Variants in C14orf132 observed in about 807,000 individuals in gnomAD.
C14orf132 encodes chromosome 14 open reading frame 132, also known as uncharacterized protein C14orf132.
Under a neutral mutation model 5.8 loss-of-function variants are expected in C14orf132, and 6 were observed. That is an observed-to-expected ratio of 1.03 (90% CI 0.57 to 2.04). The LOEUF (loss-of-function observed/expected upper bound fraction) is 2.04, where lower values mean the gene tolerates loss of function less well. C14orf132 is among the 30% of genes most tolerant of loss of function. The pLI, the probability that C14orf132 is intolerant of heterozygous loss-of-function variation, is 0.00. For synonymous variants in C14orf132, 51 were observed against 49.8 expected (o/e 1.02, Z -0.10); for missense variants, 125 against 115.8 (o/e 1.08, Z -0.37).
chr14:96,067,323 T>C (rs1049613623), intron 1 of C14orf132, among the ~76,000 whole-genome samples: 2 of 152,094 alleles, frequency 1.3e-5, no homozygotes, highest in Non-Finnish European at 2.9e-5. Context: ...CTGAACCCAT[T>C]GCCATCCTTG....
intron 1 of C14orf132, among the ~76,000 whole-genome samples, chr14:96,069,018 T>G (rs1887617438): frequency 6.6e-6 from 1 of 151,794 alleles, no homozygotes; most frequent in Non-Finnish European, 1.5e-5. Flanking sequence ...GATTGGGTTT[T>G]ACCCCCTCAG....
intron 1 of C14orf132, among the ~76,000 whole-genome samples, chr14:96,044,988 G>A (rs12436310): frequency 0.012 from 1,857 of 152,312 alleles, 26 homozygotes; most frequent in Admixed American, 0.036. Flanking sequence ...CTGAAGACCC[G>A]TAAAGGATAA....
chr14:96,058,316 A>G lies in C14orf132; in HGVS notation c.27+18789A>G, dbSNP rs148499880. 1.6e-4 allele frequency among the ~76,000 whole-genome samples: 25 copies of G among 152,124 alleles called. No homozygotes were observed. In the East Asian group the frequency reaches 4.5e-3, roughly 27 times the overall value. ...CTGTGACCTGATGCTATTTTATTCC[A>G]TTGGAATAAAGATCCTTAATGATGC... On this transcript the variant is annotated intron_variant, in intron 1 of 1. Coordinates refer to ENST00000555004, the MANE Select transcript of C14orf132 (RefSeq NM_001252507.3).
At chr14:96,081,321 T>C (rs1888026146) in intron 1 of C14orf132, among the ~76,000 whole-genome samples, 1 of 152,178 alleles carries the variant, frequency 6.6e-6, no homozygotes, top group African/African-American at 2.4e-5. Context: ...ACGGCTGTCT[T>C]TATTATTTCC....
rs187762731 is a variant in C14orf132, at chr14:96,084,339, A to G, written c.28-2172A>G. Among the ~76,000 whole-genome samples, 60 of 151,792 alleles carry G rather than the reference A, an allele frequency of 4.0e-4. 2 individuals carry two copies. In the East Asian group the frequency reaches 0.012, roughly 29 times the overall value. ...CAGCCCCCGTCATGCCCAAGAGGAA[A>G]AAAGCACAGCTTCTCACACTGAGCC... On this transcript the variant is annotated intron_variant, in intron 1 of 1. Transcript: ENST00000555004.
chr14:96,055,407 GTTTAC>G (rs1887152369), intron 1 of C14orf132, among the ~76,000 whole-genome samples: 2 of 152,110 alleles, frequency 1.3e-5, no homozygotes, highest in Non-Finnish European at 2.9e-5. Context: ...TTTCAAGGCT[GTTTAC>G]TTTACCCACA....
intron 1 of C14orf132, among the ~76,000 whole-genome samples, chr14:96,080,509 C>T (rs1887998127): frequency 6.6e-6 from 1 of 152,218 alleles, no homozygotes; most frequent in African/African-American, 2.4e-5. Context: ...TGTGTTTACC[C>T]ATCCTCTGAA....
intron 1 of C14orf132, among the ~76,000 whole-genome samples, chr14:96,079,692 G>A (rs1225069720): frequency 6.6e-6 from 1 of 152,044 alleles, no homozygotes; most frequent in Non-Finnish European, 1.5e-5. Context: ...CGAGAATTTA[G>A]TGATGAGAGA....
At position 96,065,826 on chromosome 14, in the gene C14orf132, G is replaced by A. The variant is rs549229305; in HGVS notation, c.28-20685G>A. On this transcript the variant is annotated intron_variant, in intron 1 of 1. Coordinates refer to ENST00000555004, the MANE Select transcript of C14orf132 (RefSeq NM_001252507.3). ...GAGGCTGCTGACCCACACAGGGGAC[G>A]CCCATTTGGTTCCAATGACACTGCT... 5.9e-5 allele frequency among the ~76,000 whole-genome samples: 9 copies of A among 152,258 alleles called. No individual in the cohort carries two copies. In the South Asian group the frequency reaches 1.7e-3, roughly 28 times the overall value.
chr14:96,053,350 A>G (rs1203391983), intron 1 of C14orf132, among the ~76,000 whole-genome samples: 1 of 152,196 alleles, frequency 6.6e-6, no homozygotes, highest in Non-Finnish European at 1.5e-5. Context: ...CCTTGTCCTG[A>G]CAGCTGCTCA....
At chr14:96,057,286 CCTCA>C (rs1291698116) in intron 1 of C14orf132, among the ~76,000 whole-genome samples, 1 of 152,222 alleles carries the variant, frequency 6.6e-6, no homozygotes, top group Non-Finnish European at 1.5e-5. Flanking sequence ...ACACAGCCTT[CCTCA>C]CTCCAGAGGG....
rs1425270020 is a variant in C14orf132 at position 96,086,954 on chromosome 14, G to A, written c.*219G>A. The A allele has an allele frequency of 8.5e-6, 5 of 586,734 alleles. No homozygotes were observed. Among genetic ancestry groups the A allele is most frequent in the Non-Finnish European group, 1.5e-5 (5 of 332,674 alleles). 36.3% of individuals were successfully genotyped at this position (586,734 alleles called of 1,614,324 possible). ...AAGTATGGGCCTCCTGCCCCTAGAG[G>A]CATGACGGGGCAAGGCCTTCAGAGG... On this transcript the variant is annotated 3_prime_UTR_variant, in exon 2 of 2. Coordinates refer to ENST00000555004, the MANE Select transcript of C14orf132 (RefSeq NM_001252507.3).
intron 1 of C14orf132, among the ~76,000 whole-genome samples, chr14:96,066,566 T>A (rs9323942): frequency 0.33 from 50,002 of 151,910 alleles, 8,556 homozygotes; most frequent in African/African-American, 0.4. Context: ...ACAGCAATTG[T>A]TTGGGTAAAC....
At chr14:96,045,083 T>C (rs1340846326) in intron 1 of C14orf132, among the ~76,000 whole-genome samples, 1 of 152,186 alleles carries the variant, frequency 6.6e-6, no homozygotes, top group Non-Finnish European at 1.5e-5. Context: ...TCATTATCTG[T>C]GAAATGGGGA....
At chr14:96,079,486 T>C (rs1887969492) in intron 1 of C14orf132, among the ~76,000 whole-genome samples, 1 of 151,990 alleles carries the variant, frequency 6.6e-6, no homozygotes, top group Admixed American at 6.6e-5. Flanking sequence ...ACTGTGTGTG[T>C]TTCAGTCTAT....
intron 1 of C14orf132, among the ~76,000 whole-genome samples, chr14:96,043,997 G>A (rs1886765129): frequency 6.6e-6 from 1 of 152,112 alleles, no homozygotes; most frequent in Admixed American, 6.5e-5. Context: ...AGCCAGGGAG[G>A]CTCAGCCGGC....
At chr14:96,071,048 A>G (rs1447866507) in intron 1 of C14orf132, among the ~76,000 whole-genome samples, 1 of 152,158 alleles carries the variant, frequency 6.6e-6, no homozygotes, top group Admixed American at 6.5e-5. Context: ...TCATGATGCT[A>G]ATAAGGACAT....
At chr14:96,054,701 T>C (rs1298079527) in intron 1 of C14orf132, among the ~76,000 whole-genome samples, 1 of 152,228 alleles carries the variant, frequency 6.6e-6, no homozygotes, top group African/African-American at 2.4e-5. Flanking sequence ...GGGCTAAATG[T>C]AGCCATTTTC....
intron 1 of C14orf132, among the ~76,000 whole-genome samples, chr14:96,086,194 G>T (rs1245922746): frequency 1.3e-5 from 2 of 152,148 alleles, no homozygotes; most frequent in Non-Finnish European, 2.9e-5. Flanking sequence ...TTATGGAGGA[G>T]CCTGGCATGG....
Sources: allele counts gnomAD v4.1 joint callset (sites outside exome capture counted in the v4.1 genomes callset), GRCh38; gene constraint gnomAD v4.1.1; transcripts MANE v1.5; gene names NCBI Gene and HGNC (gene_info 2026-07-23, HGNC 2026-07-21).